ATP7A: variants seen among roughly 807,000 people sequenced by gnomAD.
The protein encoded by ATP7A is copper-transporting ATPase 1.
In ATP7A, 7 loss-of-function variants were observed where a neutral mutation model predicts 83.5. The ratio of observed to expected loss-of-function variants is 0.08; its 90% CI spans 0.05 to 0.16. The LOEUF (loss-of-function observed/expected upper bound fraction) is 0.16, where lower values mean the gene tolerates loss of function less well. Ranked by LOEUF, ATP7A falls within the 10% of genes least tolerant of loss-of-function variation. The probability of loss-of-function intolerance (pLI) is 1.00; values close to 1 mark genes in which losing one functional copy is unlikely to be tolerated. For missense variants in ATP7A, 940 were observed against 1,120.8 expected, an observed-to-expected ratio of 0.84 and a Z score of 2.30; for synonymous variants, 354 against 395.2, an observed-to-expected ratio of 0.90 and a Z score of 1.24.
At chrX:77,969,575 A>T in intron 1 of ATP7A, 1 of 1,211,949 alleles carries the variant, frequency 8.3e-7, no homozygotes, top group Non-Finnish European at 1.1e-6. Context: ...CAGCAGCTGA[A>T]GCGGTTCTCC....
At chrX:77,981,267 A>G (rs1375661790) in intron 2 of ATP7A, among the ~76,000 whole-genome samples, 1 of 111,109 alleles carries the variant, frequency 9.0e-6, no homozygotes, top group Non-Finnish European at 1.9e-5. Context: ...CATTTTTATT[A>G]TTATAAATTA....
At chrX:77,938,281 C>T (rs1315247859) in intron 1 of ATP7A, among the ~76,000 whole-genome samples, 1 of 112,289 alleles carries the variant, frequency 8.9e-6, no homozygotes, top group African/African-American at 3.2e-5. Context: ...TGATAAATTT[C>T]GTGAGCATAA....
rs964779854 is a variant in ATP7A, at chrX:78,039,004, C to T, written c.3658+22C>T. ...GATGGTAAGGTTTTCCATAAGTATGCTATAACTCAATGTTTTGTTATTGTT... is the reference window on the plus strand; with the variant it reads ...GATGGTAAGGTTTTCCATAAGTATGTTATAACTCAATGTTTTGTTATTGTT... On this transcript the variant is annotated intron_variant, in intron 18 of 22. Coordinates refer to ENST00000341514, the MANE Select transcript of ATP7A (RefSeq NM_000052.7). 25 of 1,198,852 alleles carry T rather than the reference C, an allele frequency of 2.1e-5. No individual in the cohort carries two copies. In the Middle Eastern group the frequency reaches 3.9e-3, roughly 188 times the overall value.
chrX:77,969,702 A>G, intron 1 of ATP7A: 1 of 1,180,765 alleles, frequency 8.5e-7, no homozygotes, highest in Non-Finnish European at 1.1e-6. Flanking sequence ...TATACGCTGA[A>G]AATTCTTTTT....
At chrX:78,038,062 G>A (rs782667161) in intron 17 of ATP7A, among the ~76,000 whole-genome samples, 1 of 95,625 alleles carries the variant, frequency 1.0e-5, no homozygotes, top group African/African-American at 4.0e-5. Context: ...GGGGAGAATT[G>A]TTGGGTTGGA....
intron 14 of ATP7A, among the ~76,000 whole-genome samples, chrX:78,021,543 T>C (rs1557235781): frequency 8.9e-6 from 1 of 111,932 alleles, no homozygotes; most frequent in Admixed American, 9.6e-5. Context: ...ATTTGTAACT[T>C]ATTAAATGCT....
At chrX:77,987,367 A>G (rs1437081998) in intron 2 of ATP7A, among the ~76,000 whole-genome samples, 2 of 110,617 alleles carry the variant, frequency 1.8e-5, no homozygotes, top group Admixed American at 2.0e-4. Context: ...TTCAGATGGT[A>G]GAACTAATGG....
chrX:77,931,846 CG>C (rs1237808219), intron 1 of ATP7A, among the ~76,000 whole-genome samples: 22 of 83,051 alleles, frequency 2.6e-4, no homozygotes, highest in African/African-American at 1.0e-3. Context: ...CCCTCCCGGA[CG>C]GGGCGGCTGG....
At chrX:78,022,133 G>A (rs995118721) in intron 14 of ATP7A, among the ~76,000 whole-genome samples, 5 of 111,013 alleles carry the variant, frequency 4.5e-5, no homozygotes, top group South Asian at 3.8e-4. Context: ...CTTTCCCCTC[G>A]CCCTTCAAAG....
At chrX:78,003,282 A>C (rs1201807902) in intron 6 of ATP7A, 46 bp downstream of exon 6, 2 of 1,136,614 alleles carry the variant, frequency 1.8e-6, no homozygotes, top group African/African-American at 3.6e-5. Flanking sequence ...CAGAAAAAAA[A>C]CTTGGTAAGG....
At chrX:77,990,604 A>C (rs1557231983) in intron 4 of ATP7A, among the ~76,000 whole-genome samples, 1 of 112,309 alleles carries the variant, frequency 8.9e-6, no homozygotes, top group South Asian at 3.6e-4. Context: ...ATATTTAGGC[A>C]TTCAAATTAA....
chrX:77,934,151 T>C (rs1010173887), intron 1 of ATP7A, among the ~76,000 whole-genome samples: 1 of 111,939 alleles, frequency 8.9e-6, no homozygotes, highest in Admixed American at 9.5e-5. Context: ...TGATGGCTCA[T>C]GTCTGTAGTC....
chrX:77,962,813 AT>A (rs1389421153), intron 1 of ATP7A: 3 of 386,472 alleles, frequency 7.8e-6, no homozygotes, highest in African/African-American at 7.7e-5. Context: ...TTGCCGTCAA[AT>A]GTACGGAAAA....
At chrX:77,983,925 TACAC>T (rs1569549512) in intron 2 of ATP7A, among the ~76,000 whole-genome samples, 1 of 111,352 alleles carries the variant, frequency 9.0e-6, no homozygotes, top group Non-Finnish European at 1.9e-5. Context: ...CCTTAAGTGA[TACAC>T]CCACCTCGGC....
rs1187044284 is a variant in ATP7A at position 77,989,436 on chromosome X, T to G, written c.814T>G (p.Ser272Ala). 8.3e-7 allele frequency: 1 copy of G among 1,209,931 alleles called. No individual in the cohort carries two copies. The highest frequency in any genetic ancestry group is 1.1e-6 in the Non-Finnish European group (1 of 895,109). ...AGAAGGGTCACAGCAAAGGAGTCCA[T>G]CATATACCAATGATTCAACAGCCAC... Reference protein sequence around the residue: ...SSEGSQQRSPSYTNDSTATFI... With the variant: ...SSEGSQQRSPAYTNDSTATFI... Residue 272 changes from serine (S) to alanine (A), a missense_variant, in exon 4 of 23, where the codon TCA becomes GCA. Ser to Ala is a moderately conservative substitution (Grantham distance 99). Around this residue, in one of 3 missense-constraint regions of ATP7A, gnomAD observed 350 missense variants for 432.8 expected, o/e 0.81. Transcript: ENST00000341514.
intron 6 of ATP7A, among the ~76,000 whole-genome samples, chrX:78,007,896 C>A (rs781822009): frequency 3.7e-4 from 41 of 111,762 alleles, no homozygotes; most frequent in African/African-American, 1.2e-3. Flanking sequence ...ATGGGGTATC[C>A]ATCCCCTCAA....
intron 1 of ATP7A, among the ~76,000 whole-genome samples, chrX:77,913,071 C>T (rs782789893): frequency 6.2e-5 from 7 of 112,161 alleles, no homozygotes; most frequent in Non-Finnish European, 9.4e-5. Context: ...ACCTTCACTT[C>T]TGTGAGGGCG....
chrX:78,024,784 A>G (rs2077931479), intron 14 of ATP7A, among the ~76,000 whole-genome samples: 4 of 111,296 alleles, frequency 3.6e-5, no homozygotes, highest in Admixed American at 9.5e-5. Context: ...GCCCTATAAC[A>G]AGGGCACAAA....
chrX:77,992,742 G>T (rs1326449734), intron 4 of ATP7A, among the ~76,000 whole-genome samples: 1 of 110,753 alleles, frequency 9.0e-6, no homozygotes, highest in Non-Finnish European at 1.9e-5. Flanking sequence ...CTCCTGAGTA[G>T]CTGGGATTAC....
Sources: gnomAD v4.1 joint callset for allele counts (sites outside exome capture counted in the v4.1 genomes callset) on GRCh38, gnomAD v4.1.1 for gene constraint, gnomAD v4.1.1 regional missense constraint, MANE v1.5 for transcripts, NCBI Gene and HGNC (gene_info 2026-07-23, HGNC 2026-07-21) for gene names.